Variants in DLG2 observed in about 807,000 individuals in gnomAD.
DLG2 encodes disks large homolog 2.
A neutral mutation model predicts 132.5 loss-of-function variants in DLG2; 45 were observed. The observed-to-expected ratio is 0.34, with a 90% CI of 0.27 to 0.44. DLG2 has a LOEUF of 0.44. DLG2 is among the 20% of genes least tolerant of loss of function. DLG2 has a pLI of 1.00. For synonymous variants in DLG2, 424 were observed against 419.6 expected, an observed-to-expected ratio of 1.01 and a Z score of -0.13; for missense variants, 1,045 against 1,196.9, an observed-to-expected ratio of 0.87 and a Z score of 1.87.
At chr11:83,735,056 G>T (rs554240157) in intron 18 of DLG2, among the ~76,000 whole-genome samples, 2 of 151,918 alleles carry the variant, frequency 1.3e-5, no homozygotes, top group African/African-American at 4.8e-5. Flanking sequence ...ATAAGTGGTG[G>T]CTTTGTGTAT....
At position 84,726,410 on chromosome 11, in the gene DLG2, C is replaced by A. The variant is rs1333495371; in HGVS notation, c.358-191679G>T. On this transcript the variant is annotated intron_variant, in intron 6 of 27. Coordinates refer to ENST00000376104, the MANE Select transcript of DLG2 (RefSeq NM_001142699.3). Reference sequence around the variant, plus strand: ...ATAGTTTGCTGAGAATTGTGGTTTCCAGCTTCATCCATGTCCCTGCAAAGG... The same window carrying A: ...ATAGTTTGCTGAGAATTGTGGTTTCAAGCTTCATCCATGTCCCTGCAAAGG... Among the ~76,000 whole-genome samples the A allele has an allele frequency of 2.0e-5, 3 of 152,054 alleles. No homozygotes were observed. In the South Asian group the frequency reaches 6.2e-4, roughly 32 times the overall value.
intron 6 of DLG2, among the ~76,000 whole-genome samples, chr11:84,584,926 G>A (rs1178535383): frequency 6.6e-6 from 1 of 150,756 alleles, no homozygotes; most frequent in Non-Finnish European, 1.5e-5. Flanking sequence ...CTGACCTCGT[G>A]ATCCGCCCGC....
intron 4 of DLG2, among the ~76,000 whole-genome samples, chr11:85,199,942 CTT>C (rs749722409): frequency 6.4e-5 from 9 of 140,956 alleles, no homozygotes; most frequent in African/African-American, 2.1e-4. Flanking sequence ...CCAGGAATTA[CTT>C]TTTTTTTTTT....
chr11:85,157,653 G>A (rs573801764), intron 4 of DLG2, among the ~76,000 whole-genome samples: 5 of 152,082 alleles, frequency 3.3e-5, no homozygotes, highest in Non-Finnish European at 5.9e-5. Context: ...AAGCAGATAC[G>A]GAGCCTCAAA....
intron 7 of DLG2, among the ~76,000 whole-genome samples, chr11:84,268,325 T>C (rs1434052928): frequency 2.0e-5 from 3 of 152,142 alleles, no homozygotes; most frequent in African/African-American, 7.2e-5. Flanking sequence ...TGCAATATAG[T>C]TTTCTTGGTT....
chr11:83,856,289 G>T (rs1426688049), intron 16 of DLG2, among the ~76,000 whole-genome samples: 1 of 152,052 alleles, frequency 6.6e-6, no homozygotes, highest in Non-Finnish European at 1.5e-5. Context: ...GTGCTGCAAT[G>T]AACATATGCT....
intron 3 of DLG2, among the ~76,000 whole-genome samples, chr11:85,546,364 T>G (rs964710619): frequency 2.2e-4 from 34 of 152,210 alleles, no homozygotes; most frequent in Non-Finnish European, 3.8e-4. Context: ...AGACTGTTTG[T>G]TATGATTTCC....
At chr11:84,724,400 C>G (rs369010291) in intron 6 of DLG2, among the ~76,000 whole-genome samples, 3 of 152,314 alleles carry the variant, frequency 2.0e-5, no homozygotes, top group African/African-American at 7.2e-5. Flanking sequence ...GCTATGTACA[C>G]TGTTCTGAAT....
intron 6 of DLG2, among the ~76,000 whole-genome samples, chr11:84,716,847 A>AT (rs1251505914): frequency 3.3e-5 from 5 of 152,018 alleles, no homozygotes; most frequent in Admixed American, 1.3e-4. Context: ...AAGAAGTGGA[A>AT]TTACTTCCTC....
At chr11:85,070,074 G>T (rs569961974) in intron 6 of DLG2, among the ~76,000 whole-genome samples, 1 of 151,816 alleles carries the variant, frequency 6.6e-6, no homozygotes, top group Non-Finnish European at 1.5e-5. Flanking sequence ...AACACCGCAT[G>T]TTCTCACTCA....
At chr11:83,595,724 C>G (rs2057464741) in intron 19 of DLG2, among the ~76,000 whole-genome samples, 1 of 152,140 alleles carries the variant, frequency 6.6e-6, no homozygotes, top group African/African-American at 2.4e-5. Context: ...AACCGAAATG[C>G]AAGTTCATTT....
chr11:84,402,608 G>T (rs924508912), intron 7 of DLG2, among the ~76,000 whole-genome samples: 1 of 151,834 alleles, frequency 6.6e-6, no homozygotes, highest in African/African-American at 2.4e-5. Context: ...GGCCAGGTGC[G>T]GGGCTCACGC....
chr11:84,086,576 ACCT>A (rs370337482), intron 10 of DLG2, among the ~76,000 whole-genome samples: 1 of 149,162 alleles, frequency 6.7e-6, no homozygotes, highest in Admixed American at 6.7e-5. Context: ...TGCAGCCTTA[ACCT>A]CCTGGGCTCA....
intron 8 of DLG2, among the ~76,000 whole-genome samples, chr11:84,190,663 T>A (rs1221291300): frequency 2.0e-5 from 3 of 152,222 alleles, no homozygotes; most frequent in Non-Finnish European, 4.4e-5. Flanking sequence ...AAATAGCAAC[T>A]GCCTGGGCTG....
intron 20 of DLG2, among the ~76,000 whole-genome samples, chr11:83,534,148 CT>C (rs1234317013): frequency 1.3e-5 from 2 of 152,138 alleles, no homozygotes; most frequent in Non-Finnish European, 2.9e-5. Flanking sequence ...ATGATTGCTC[CT>C]TTGTAACTGG....
intron 17 of DLG2, among the ~76,000 whole-genome samples, chr11:83,825,911 A>C (rs2052615755): frequency 6.6e-6 from 1 of 152,096 alleles, no homozygotes; most frequent in African/African-American, 2.4e-5. Context: ...CAAGGTGTGA[A>C]AATTTTGAAT....
intron 5 of DLG2, among the ~76,000 whole-genome samples, chr11:85,137,281 A>C (rs1454982506): frequency 6.6e-6 from 1 of 152,156 alleles, no homozygotes; most frequent in Non-Finnish European, 1.5e-5. Flanking sequence ...TATCTGAAGT[A>C]CTGGGGTAAA....
intron 17 of DLG2, among the ~76,000 whole-genome samples, chr11:83,819,677 GCAA>G: frequency 6.6e-6 from 1 of 152,108 alleles, no homozygotes; most frequent in East Asian, 1.9e-4. Context: ...ATGTTTTACA[GCAA>G]CATTGGTCCA....
intron 6 of DLG2, among the ~76,000 whole-genome samples, chr11:85,045,293 C>T (rs2062232183): frequency 6.6e-6 from 1 of 152,020 alleles, no homozygotes; most frequent in African/African-American, 2.4e-5. Context: ...TATGTTCCAA[C>T]CTAGGCTTAA....
Sources: gnomAD v4.1 joint callset for allele counts (sites outside exome capture counted in the v4.1 genomes callset) on GRCh38, gnomAD v4.1.1 for gene constraint, MANE v1.5 for transcripts, NCBI Gene and HGNC (gene_info 2026-07-23, HGNC 2026-07-21) for gene names.